The following PIK3AP1 variants were observed in gnomAD, a reference collection of about 807,000 sequenced individuals.
PIK3AP1 encodes the protein phosphoinositide-3-kinase adaptor protein 1, also known as phosphoinositide 3-kinase adapter protein 1.
PIK3AP1 carries 21 observed loss-of-function variants against 88.1 expected under a neutral mutation model. That is an observed-to-expected ratio of 0.24 (90% CI 0.17 to 0.34). The LOEUF (loss-of-function observed/expected upper bound fraction) is 0.34. PIK3AP1 is among the 10% of genes least tolerant of loss of function. The pLI is 1.00. For synonymous variants in PIK3AP1, 398 were observed against 400.0 expected, an observed-to-expected ratio of 1.00 and a Z score of 0.06; for missense variants, 828 against 1,035.7, an observed-to-expected ratio of 0.80 and a Z score of 2.75.
At chr10:96,717,395 T>C (rs1289736784) in intron 1 of PIK3AP1, among the ~76,000 whole-genome samples, 2 of 151,876 alleles carry the variant, frequency 1.3e-5, no homozygotes, top group African/African-American at 4.8e-5. Flanking sequence ...TGGAGCCCCA[T>C]GTTTGAATCT....
At chr10:96,691,928 T>A (rs1333200359) in intron 2 of PIK3AP1, among the ~76,000 whole-genome samples, 1 of 152,258 alleles carries the variant, frequency 6.6e-6, no homozygotes, top group African/African-American at 2.4e-5. Flanking sequence ...CATGTTTTCA[T>A]CCATCAGGTC....
chr10:96,664,015 A>G (rs138561960), intron 2 of PIK3AP1, among the ~76,000 whole-genome samples: 1 of 152,232 alleles, frequency 6.6e-6, no homozygotes, highest in Admixed American at 6.5e-5. Flanking sequence ...AAACTGCACA[A>G]TCTTTCTGGA....
At chr10:96,602,113 G>C (rs1427643071) in intron 16 of PIK3AP1, among the ~76,000 whole-genome samples, 167 bp downstream of exon 16, 1 of 152,190 alleles carries the variant, frequency 6.6e-6, no homozygotes, top group Non-Finnish European at 1.5e-5. Context: ...TTGATCTCTG[G>C]ACCCTGTGAT....
At chr10:96,664,791 G>T (rs1319188936) in intron 2 of PIK3AP1, among the ~76,000 whole-genome samples, 1 of 152,146 alleles carries the variant, frequency 6.6e-6, no homozygotes, top group African/African-American at 2.4e-5. Flanking sequence ...ATTCTGCAGG[G>T]TTATTCTGGT....
chr10:96,717,152 G>A (rs1844512428), intron 1 of PIK3AP1, among the ~76,000 whole-genome samples: 1 of 151,836 alleles, frequency 6.6e-6, no homozygotes, highest in African/African-American at 2.4e-5. Flanking sequence ...CAGCTACTCG[G>A]GAGGCTGAGG....
At chr10:96,700,840 C>T in intron 2 of PIK3AP1, 1 of 985,658 alleles carries the variant, frequency 1.0e-6, no homozygotes, top group Non-Finnish European at 1.2e-6. Context: ...AGCGCAGCAA[C>T]TTCCCCTTTG....
intron 2 of PIK3AP1, among the ~76,000 whole-genome samples, chr10:96,688,090 C>T (rs1844098847): frequency 6.6e-6 from 1 of 152,148 alleles, no homozygotes; most frequent in Non-Finnish European, 1.5e-5. Context: ...GTTTATGTGC[C>T]AGGGGGCTAC....
rs759053061 is a variant in PIK3AP1 at position 96,602,314 on chromosome 10, G to A, written c.2326C>T (p.Pro776Ser). The A allele has an allele frequency of 4.4e-6, 7 of 1,607,682 alleles. No individual in the cohort carries two copies. Among genetic ancestry groups the A allele is most frequent in the African/African-American group, 1.3e-5 (1 of 74,416 alleles). ...DGTPTMSLER[P>S]PRVPPRAASQ... is the part of the protein sequence containing the mutation. ...GCAGCTCTCGGAGGCACCCTGGGGGGTCTCTCGAGGGACATGGTGGGTGTC... is the reference window on the plus strand; with the variant it reads ...GCAGCTCTCGGAGGCACCCTGGGGGATCTCTCGAGGGACATGGTGGGTGTC... The change falls in exon 16 of 17, where the codon CCC (proline) becomes TCC (serine). Residue 776 changes from proline (P) to serine (S), a missense_variant. Pro to Ser is a moderately conservative substitution (Grantham distance 74). Coordinates refer to ENST00000339364, the MANE Select transcript of PIK3AP1 (RefSeq NM_152309.3).
At chr10:96,603,927 C>G in intron 15 of PIK3AP1, 52 bp downstream of exon 15, 1 of 1,449,106 alleles carries the variant, frequency 6.9e-7, no homozygotes, top group Non-Finnish European at 9.4e-7. Flanking sequence ...CTATCTCTTG[C>G]GATGAAACGA....
chr10:96,666,700 ATAT>A (rs1284215478), intron 2 of PIK3AP1, among the ~76,000 whole-genome samples: 1 of 152,084 alleles, frequency 6.6e-6, no homozygotes, highest in African/African-American at 2.4e-5. Context: ...CATTTGTTAA[ATAT>A]TATGGTGACT....
rs1397438201 is a variant in PIK3AP1 at position 96,609,633 on chromosome 10, G to A, written c.2170+79C>T. 6 of 1,498,146 alleles carry A rather than the reference G, an allele frequency of 4.0e-6. No individual in the cohort carries two copies. The South Asian group carries it at 5.1e-5, about 13-fold the overall frequency. 92.8% of individuals were successfully genotyped at this position (1,498,146 alleles called of 1,614,324 possible). On this transcript the variant is annotated intron_variant, in intron 14 of 16. Coordinates refer to ENST00000339364, the MANE Select transcript of PIK3AP1 (RefSeq NM_152309.3). Reference sequence around the variant, plus strand: ...CACTGGAGATCTCCTGGGCTCTTAAGAGGATGTTTCCTAAGGTCCAAGGGT... The same window carrying A: ...CACTGGAGATCTCCTGGGCTCTTAAAAGGATGTTTCCTAAGGTCCAAGGGT...
At chr10:96,607,174 A>G (rs1215137319) in intron 14 of PIK3AP1, among the ~76,000 whole-genome samples, 2 of 152,120 alleles carry the variant, frequency 1.3e-5, no homozygotes, top group Non-Finnish European at 2.9e-5. Context: ...CAGTTGGTGG[A>G]TAAGCTGGGC....
chr10:96,658,842 C>T (rs72821014), intron 2 of PIK3AP1, among the ~76,000 whole-genome samples: 2,468 of 150,868 alleles, frequency 0.016, 37 homozygotes, highest in Non-Finnish European at 0.024. Flanking sequence ...GAGTGTTCTA[C>T]GCAAGGCGAT....
chr10:96,713,264 G>A (rs1342351497), intron 1 of PIK3AP1, among the ~76,000 whole-genome samples: 5 of 151,848 alleles, frequency 3.3e-5, no homozygotes, highest in Admixed American at 6.6e-5. Context: ...TTGGTAGGCC[G>A]AGGCAGGCAG....
intron 8 of PIK3AP1, among the ~76,000 whole-genome samples, chr10:96,644,811 C>G (rs145740124): frequency 5.3e-5 from 8 of 152,214 alleles, no homozygotes; most frequent in Admixed American, 1.3e-4. Flanking sequence ...TTTGCAAACA[C>G]TTAATTTTTT....
At chr10:96,645,031 G>A (rs1368436724) in intron 8 of PIK3AP1, among the ~76,000 whole-genome samples, 1 of 152,130 alleles carries the variant, frequency 6.6e-6, no homozygotes, top group Non-Finnish European at 1.5e-5. Flanking sequence ...GCATGTTTGA[G>A]TATGTCCTCT....
chr10:96,621,952 G>T (rs72818911), intron 11 of PIK3AP1, among the ~76,000 whole-genome samples: 4,504 of 152,234 alleles, frequency 0.03, 123 homozygotes, highest in Non-Finnish European at 0.037. Flanking sequence ...TAGGGAGGGG[G>T]TACAAAATCA....
At chr10:96,624,612 G>C (rs1843130223) in intron 10 of PIK3AP1, among the ~76,000 whole-genome samples, 1 of 151,270 alleles carries the variant, frequency 6.6e-6, no homozygotes, top group Non-Finnish European at 1.5e-5. Context: ...AGGATTGCTT[G>C]AGCACAGGAG....
intron 16 of PIK3AP1, among the ~76,000 whole-genome samples, chr10:96,597,374 C>CTT (rs1564948208): frequency 0.015 from 153 of 9,910 alleles, 3 homozygotes; most frequent in Admixed American, 0.026. Flanking sequence ...CTCTCTCTCT[C>CTT]TCTTTCTTTC....
Sources: allele counts gnomAD v4.1 joint callset (sites outside exome capture counted in the v4.1 genomes callset), GRCh38; gene constraint gnomAD v4.1.1; transcripts MANE v1.5; gene names NCBI Gene and HGNC (gene_info 2026-07-23, HGNC 2026-07-21).